Variants in LDLRAD3 observed in about 807,000 individuals in gnomAD.
LDLRAD3 encodes the protein low-density lipoprotein receptor class A domain-containing protein 3.
A neutral mutation model predicts 29.4 loss-of-function variants in LDLRAD3; 20 were observed. That is an observed-to-expected ratio of 0.68 (90% CI 0.48 to 0.99). LDLRAD3 has a LOEUF of 0.99. LDLRAD3 is among the 50% of genes least tolerant of loss of function. LDLRAD3 has a pLI of 0.00. For synonymous variants in LDLRAD3, 157 were observed against 192.7 expected, an observed-to-expected ratio of 0.81 and a Z score of 1.53; for missense variants, 420 against 454.3, an observed-to-expected ratio of 0.92 and a Z score of 0.69.
chr11:36,166,637 A>G (rs1178701310), intron 4 of LDLRAD3, among the ~76,000 whole-genome samples: 2 of 152,100 alleles, frequency 1.3e-5, no homozygotes, highest in East Asian at 3.8e-4. Flanking sequence ...TTCCTCTTTG[A>G]CCCTTTACTT....
chr11:36,051,157 T>C (rs962403545), intron 2 of LDLRAD3, among the ~76,000 whole-genome samples: 3 of 152,182 alleles, frequency 2.0e-5, no homozygotes, highest in African/African-American at 7.2e-5. Context: ...AATATAGCCC[T>C]GAGGGTAAAG....
intron 2 of LDLRAD3, among the ~76,000 whole-genome samples, chr11:36,068,059 TTC>T (rs1303803141): frequency 6.6e-6 from 1 of 152,038 alleles, no homozygotes; most frequent in Non-Finnish European, 1.5e-5. Context: ...CTCTTTTTCG[TTC>T]TCTTTCTCTT....
chr11:36,020,387 T>C (rs1259537514), intron 1 of LDLRAD3, among the ~76,000 whole-genome samples: 2 of 152,196 alleles, frequency 1.3e-5, no homozygotes, highest in Non-Finnish European at 2.9e-5. Flanking sequence ...AATCTTAAAA[T>C]GCATGCAAAT....
chr11:36,074,886 T>C (rs1223858625), intron 2 of LDLRAD3, among the ~76,000 whole-genome samples: 1 of 152,200 alleles, frequency 6.6e-6, no homozygotes, highest in Non-Finnish European at 1.5e-5. Flanking sequence ...CAGCAGAAGC[T>C]AAAATGCCCA....
intron 4 of LDLRAD3, among the ~76,000 whole-genome samples, chr11:36,162,760 C>T (rs1854461445): frequency 6.6e-6 from 1 of 152,180 alleles, no homozygotes; most frequent in African/African-American, 2.4e-5. Context: ...CCAGTGAATG[C>T]TTGATTTGCA....
intron 1 of LDLRAD3, among the ~76,000 whole-genome samples, chr11:36,029,767 C>T (rs1358328293): frequency 6.6e-6 from 1 of 152,136 alleles, no homozygotes; most frequent in East Asian, 1.9e-4. Flanking sequence ...AGGAACGAAG[C>T]CTTTATCATT....
At chr11:36,085,103 G>A (rs1853175604) in intron 3 of LDLRAD3, among the ~76,000 whole-genome samples, 1 of 152,088 alleles carries the variant, frequency 6.6e-6, no homozygotes, top group Admixed American at 6.6e-5. Context: ...AATTCCTTTA[G>A]CAATTCTTCT....
At chr11:35,990,073 TG>T (rs1169675372) in intron 1 of LDLRAD3, among the ~76,000 whole-genome samples, 1 of 152,156 alleles carries the variant, frequency 6.6e-6, no homozygotes, top group Non-Finnish European at 1.5e-5. Context: ...GTTCTCTATG[TG>T]ATTTTGACAT....
chr11:36,165,745 C>G (rs1854503693), intron 4 of LDLRAD3, among the ~76,000 whole-genome samples: 1 of 151,424 alleles, frequency 6.6e-6, no homozygotes, highest in Admixed American at 6.6e-5. Context: ...CCCTCCCACC[C>G]CCCAGTTTTA....
intron 4 of LDLRAD3, among the ~76,000 whole-genome samples, chr11:36,109,510 T>C (rs901502358): frequency 1.3e-5 from 2 of 152,180 alleles, no homozygotes; most frequent in African/African-American, 4.8e-5. Context: ...GAATCTGCCG[T>C]ATTATTTTCT....
intron 2 of LDLRAD3, among the ~76,000 whole-genome samples, chr11:36,060,275 A>G (rs1207356354): frequency 6.7e-6 from 1 of 148,746 alleles, no homozygotes; most frequent in East Asian, 2.0e-4. Flanking sequence ...AATGGCGTGA[A>G]CCCGGGAGGC....
At chr11:36,043,496 G>A (rs1182451738) in intron 2 of LDLRAD3, among the ~76,000 whole-genome samples, 7 of 152,242 alleles carry the variant, frequency 4.6e-5, no homozygotes, top group Non-Finnish European at 7.4e-5. Context: ...CCAAACCCCC[G>A]GTATCTCAGA....
At chr11:36,127,135 T>G (rs2133301893) in intron 4 of LDLRAD3, among the ~76,000 whole-genome samples, 1 of 152,386 alleles carries the variant, frequency 6.6e-6, no homozygotes, top group African/African-American at 2.4e-5. Flanking sequence ...CACTTGATCT[T>G]GCAATCTTAA....
intron 1 of LDLRAD3, among the ~76,000 whole-genome samples, chr11:35,991,863 TTGTTTGTGTGTGTGTGTGTGTGTG>T (rs1178044658): frequency 9.6e-6 from 1 of 103,932 alleles, no homozygotes; most frequent in East Asian, 2.4e-4. Flanking sequence ...AATTGAATGG[TTGTTTGTGTGTGTGTGTGTGTGTG>T]TGTGTGTGTG....
intron 4 of LDLRAD3, among the ~76,000 whole-genome samples, chr11:36,190,802 A>T (rs1854929786): frequency 6.6e-6 from 1 of 152,208 alleles, no homozygotes; most frequent in South Asian, 2.1e-4. Context: ...GGCAAAAAGA[A>T]GATCCTACAA....
chr11:36,111,685 C>T (rs1296438660), intron 4 of LDLRAD3, among the ~76,000 whole-genome samples: 1 of 152,034 alleles, frequency 6.6e-6, no homozygotes, highest in Non-Finnish European at 1.5e-5. Flanking sequence ...ACTGCATCCT[C>T]CGCCTCCCGG....
In LDLRAD3 at chr11:36,056,505, T is replaced by C. The variant is rs530584533; in HGVS notation, c.193+20256T>C. On this transcript the variant is annotated intron_variant, in intron 2 of 5. Coordinates refer to ENST00000315571, the MANE Select transcript of LDLRAD3 (RefSeq NM_174902.4). ...TTGAAAGCAGACATTCTGGCTTGAG[T>C]TGAGCCACTGAACCACTCTGCTGTG... Among the ~76,000 whole-genome samples, 3 of 152,220 alleles carry C rather than the reference T, an allele frequency of 2.0e-5. No homozygotes were observed. In the East Asian group the frequency reaches 5.8e-4, roughly 29 times the overall value.
intron 1 of LDLRAD3, among the ~76,000 whole-genome samples, chr11:35,971,810 G>A (rs1436691176): frequency 6.6e-6 from 1 of 152,156 alleles, no homozygotes; most frequent in Non-Finnish European, 1.5e-5. Flanking sequence ...AGGTGGTGTG[G>A]ACCAGGGAGA....
chr11:36,117,936 G>A (rs192902724), intron 4 of LDLRAD3, among the ~76,000 whole-genome samples: 1 of 152,348 alleles, frequency 6.6e-6, no homozygotes, highest in East Asian at 1.9e-4. Flanking sequence ...ACCAAGGCCA[G>A]CATCAAGGTG....
Sources: gnomAD v4.1 joint callset for allele counts (sites outside exome capture counted in the v4.1 genomes callset) on GRCh38, gnomAD v4.1.1 for gene constraint, MANE v1.5 for transcripts, NCBI Gene and HGNC (gene_info 2026-07-23, HGNC 2026-07-21) for gene names.